The following AKAP6 variants were observed in gnomAD, a reference collection of about 807,000 sequenced individuals.
AKAP6 encodes A-kinase anchor protein 6.
AKAP6 carries 58 observed loss-of-function variants against 188.5 expected under a neutral mutation model. The ratio of observed to expected loss-of-function variants is 0.31; its 90% confidence interval spans 0.25 to 0.38. The LOEUF (loss-of-function observed/expected upper bound fraction) is 0.38, where lower values mean the gene tolerates loss of function less well. Ranked by LOEUF, AKAP6 falls within the 10% of genes least tolerant of loss-of-function variation. The probability of loss-of-function intolerance (pLI) is 1.00; values close to 1 mark genes in which losing one functional copy is unlikely to be tolerated. For synonymous variants in AKAP6, 989 were observed against 998.6 expected (o/e 0.99, Z 0.18); for missense variants, 2,710 against 2,740.0 (o/e 0.99, Z 0.24).
At chr14:32,453,763 A>AT (rs1404976444) in intron 2 of AKAP6, among the ~76,000 whole-genome samples, 3 of 149,280 alleles carry the variant, frequency 2.0e-5, no homozygotes, top group Admixed American at 6.7e-5. Flanking sequence ...CGCCCGGCTA[A>AT]TTTTTTTGTA....
chr14:32,757,553 C>T (rs1222197454), intron 11 of AKAP6, among the ~76,000 whole-genome samples: 3 of 152,268 alleles, frequency 2.0e-5, no homozygotes, highest in Non-Finnish European at 4.4e-5. Flanking sequence ...TGGAGAGGTT[C>T]TGGTAGTTAG....
At chr14:32,776,308 G>C (rs2033060134) in intron 12 of AKAP6, among the ~76,000 whole-genome samples, 1 of 152,140 alleles carries the variant, frequency 6.6e-6, no homozygotes, top group Admixed American at 6.5e-5. Flanking sequence ...CCCCCATACT[G>C]TTCTCATGGT....
intron 12 of AKAP6, among the ~76,000 whole-genome samples, chr14:32,778,619 T>C (rs2033141884): frequency 6.6e-6 from 1 of 152,142 alleles, no homozygotes; most frequent in Non-Finnish European, 1.5e-5. Context: ...CAATCATGGC[T>C]CACTGTAGCC....
At chr14:32,575,638 A>G (rs1024869337) in intron 4 of AKAP6, among the ~76,000 whole-genome samples, 1 of 152,202 alleles carries the variant, frequency 6.6e-6, no homozygotes, top group South Asian at 2.1e-4. Flanking sequence ...GATTTTTGAA[A>G]GAATATAAAT....
At position 32,522,350 on chromosome 14, in the gene AKAP6, A is replaced by C. The variant is rs575237595; in HGVS notation, c.325-13204A>C. ...AAAATTGACAAATGGGATCTAATTA[A>C]ACTAAAGAGCTTCTGCACAGCAAAA... is the stretch of plus-strand genomic sequence containing the variant. On this transcript the variant is annotated intron_variant, in intron 2 of 13. Coordinates refer to ENST00000280979, the MANE Select transcript of AKAP6 (RefSeq NM_004274.5). Among the ~76,000 whole-genome samples the C allele has an allele frequency of 7.9e-5, 12 of 152,252 alleles. No homozygotes were observed. In the East Asian group the frequency reaches 2.3e-3, roughly 29 times the overall value.
intron 7 of AKAP6, among the ~76,000 whole-genome samples, chr14:32,658,747 G>A (rs1380003200): frequency 6.7e-6 from 1 of 150,024 alleles, no homozygotes; most frequent in Non-Finnish European, 1.5e-5. Context: ...GAAGCACAGT[G>A]GAGTTTGGTA....
At chr14:32,603,373 C>T (rs1182459452) in intron 7 of AKAP6, among the ~76,000 whole-genome samples, 1 of 152,080 alleles carries the variant, frequency 6.6e-6, no homozygotes, top group Non-Finnish European at 1.5e-5. Context: ...AGTACATTCA[C>T]CAGGGCCAGT....
At chr14:32,768,129 C>T (rs1243025973) in intron 11 of AKAP6, among the ~76,000 whole-genome samples, 1 of 152,100 alleles carries the variant, frequency 6.6e-6, no homozygotes, top group Admixed American at 6.6e-5. Context: ...GCCAACCTTC[C>T]CCCACAAAAC....
intron 7 of AKAP6, among the ~76,000 whole-genome samples, chr14:32,629,905 A>G (rs1160419474): frequency 6.6e-6 from 1 of 152,070 alleles, no homozygotes; most frequent in African/African-American, 2.4e-5. Context: ...GTCTCTACAG[A>G]AAATTAAATT....
chr14:32,808,707 A>C (rs2034150492), intron 12 of AKAP6, among the ~76,000 whole-genome samples: 1 of 152,184 alleles, frequency 6.6e-6, no homozygotes, highest in Non-Finnish European at 1.5e-5. Context: ...AGCAGCACTC[A>C]TACAGTAGCA....
chr14:32,510,425 CATATATATATGTGTATATATATAT>C (rs1566546615), intron 2 of AKAP6, among the ~76,000 whole-genome samples: 5 of 51,608 alleles, frequency 9.7e-5, no homozygotes, highest in East Asian at 1.1e-3. Flanking sequence ...TATATATATA[CATATATATATGTGTATATATATAT>C]ACATATATAT....
chr14:32,491,675 A>C (rs189161382), intron 2 of AKAP6, among the ~76,000 whole-genome samples: 42 of 152,364 alleles, frequency 2.8e-4, no homozygotes, highest in African/African-American at 9.6e-4. Context: ...TTGAACCAGA[A>C]TATTTCCAAC....
At chr14:32,333,346 G>T (rs1351431679) in intron 1 of AKAP6, among the ~76,000 whole-genome samples, 2 of 152,044 alleles carry the variant, frequency 1.3e-5, no homozygotes, top group African/African-American at 4.8e-5. Context: ...TGATCGCATG[G>T]ATTCAATTCA....
rs116964150 is a variant in AKAP6, at chr14:32,805,447, G to T, written c.3589-15955G>T. ...GAGGAGAGATGGGTGGGGAAGGGGA[G>T]ACCTGGGAGAACTATAGGCTATTTG... On this transcript the variant is annotated intron_variant, in intron 12 of 13. Coordinates refer to ENST00000280979, the MANE Select transcript of AKAP6 (RefSeq NM_004274.5). Among the ~76,000 whole-genome samples, 146 of 152,174 alleles carry T rather than the reference G, an allele frequency of 9.6e-4. 1 individual carries two copies. The East Asian group carries it at 0.026, about 27-fold the overall frequency.
chr14:32,636,550 G>C (rs1349166644), intron 7 of AKAP6, among the ~76,000 whole-genome samples: 1 of 152,046 alleles, frequency 6.6e-6, no homozygotes, highest in Admixed American at 6.6e-5. Flanking sequence ...GTGTGAGAGA[G>C]TGACATATAG....
intron 11 of AKAP6, among the ~76,000 whole-genome samples, chr14:32,756,417 T>C (rs2032335081): frequency 6.6e-6 from 1 of 152,014 alleles, no homozygotes; most frequent in African/African-American, 2.4e-5. Flanking sequence ...ACAGGGGTAA[T>C]CCTGGAGCCT....
At chr14:32,462,702 A>T (rs7143943) in intron 2 of AKAP6, among the ~76,000 whole-genome samples, 59,476 of 151,694 alleles carry the variant, frequency 0.39, 15,772 homozygotes, top group African/African-American at 0.76. Context: ...CGTCATGATG[A>T]CAGGATCAAA....
intron 9 of AKAP6, among the ~76,000 whole-genome samples, chr14:32,716,594 T>C (rs941975147): frequency 2.0e-5 from 3 of 148,424 alleles, no homozygotes; most frequent in Non-Finnish European, 4.5e-5. Context: ...TTTTAGAAAA[T>C]ACATAATATA....
intron 12 of AKAP6, among the ~76,000 whole-genome samples, chr14:32,797,925 GAA>G (rs57455449): frequency 1.6e-5 from 2 of 128,088 alleles, no homozygotes; most frequent in Non-Finnish European, 3.4e-5. Context: ...CTTCTGCACA[GAA>G]AAAAAAAAAA....
Sources: gnomAD v4.1 joint callset for allele counts (sites outside exome capture counted in the v4.1 genomes callset) on GRCh38, gnomAD v4.1.1 for gene constraint, MANE v1.5 for transcripts, NCBI Gene and HGNC (gene_info 2026-07-23, HGNC 2026-07-21) for gene names.